The following IFT46 variants were observed in gnomAD, a reference collection of about 807,000 sequenced individuals.
The protein encoded by IFT46 is intraflagellar transport protein 46 homolog.
Under a neutral mutation model 39.6 loss-of-function variants are expected in IFT46, and 19 were observed. That is an observed-to-expected ratio of 0.48 (90% CI 0.33 to 0.70). IFT46 has a LOEUF of 0.70. Ranked by LOEUF, IFT46 falls within the 30% of genes least tolerant of loss-of-function variation. IFT46 has a pLI of 0.01. For synonymous variants in IFT46, 117 were observed against 134.8 expected (o/e 0.87, Z 0.91); for missense variants, 334 against 364.8 (o/e 0.92, Z 0.69).
upstream of IFT46, among the ~76,000 whole-genome samples, chr11:118,575,043 A>G (rs140807615): frequency 9.2e-3 from 1,406 of 152,254 alleles, 20 homozygotes; most frequent in African/African-American, 0.032. Flanking sequence ...CAGTGGCACA[A>G]TCTCAGCTCA....
intron 9 of IFT46, among the ~76,000 whole-genome samples, chr11:118,549,793 G>A (rs1591361295): frequency 1.3e-5 from 2 of 152,010 alleles, no homozygotes; most frequent in Admixed American, 6.6e-5. Context: ...AAAGTGCTGG[G>A]ATTACAGGCG....
At chr11:118,555,123 AAAG>A in intron 5 of IFT46, 40 bp from the exon 6 acceptor site, 1 of 1,561,834 alleles carries the variant, frequency 6.4e-7, no homozygotes, top group East Asian at 2.2e-5. Flanking sequence ...ACAGTCAGAA[AAAG>A]TTACTTTACT....
At chr11:118,550,888 A>G (rs1055906903) in intron 9 of IFT46, among the ~76,000 whole-genome samples, 1 of 151,768 alleles carries the variant, frequency 6.6e-6, no homozygotes, top group Non-Finnish European at 1.5e-5. Context: ...TTAGCCAGGC[A>G]CAGTGGCAGA....
At chr11:118,565,189 AC>A (rs1213137682) in intron 1 of IFT46, 128 bp from the exon 2 acceptor site, 1 of 151,926 alleles carries the variant, frequency 6.6e-6, no homozygotes. Flanking sequence ...CAAAACCATC[AC>A]CCCATCCAAA....
At chr11:118,576,579 A>C (rs1938518839), upstream of IFT46, among the ~76,000 whole-genome samples, 3 of 152,112 alleles carry the variant, frequency 2.0e-5, no homozygotes, top group African/African-American at 7.2e-5. Flanking sequence ...AGTAAACATT[A>C]ATGTAAAGAG....
In IFT46 at chr11:118,565,831, C is replaced by T. The variant is rs1591373716; in HGVS notation, c.-174G>A. On this transcript the variant is annotated 5_prime_UTR_variant, in exon 1 of 12. Transcript: ENST00000264021. The stretch of plus-strand genomic sequence containing the variant: ...TCCGTCTCCTCTATAATGGAAAGAA[C>T]CCCAGCCTAGGGCTGGGGTCTCACT... 1 of 152,632 alleles carries T rather than the reference C, an allele frequency of 6.6e-6. No individual in the cohort carries two copies. Among genetic ancestry groups the T allele is most frequent in the Non-Finnish European group, 1.5e-5 (1 of 68,066 alleles). The allele number at this position is 152,632 out of a possible 1,614,324, so 9.5% of individuals were successfully genotyped here. A position where few individuals can be genotyped will look rare whatever the true frequency, so the allele number is the denominator to read the frequency against.
rs1409464347 is a variant in IFT46, at chr11:118,565,823, G to A, written c.-166C>T. 6.6e-6 allele frequency: 1 copy of A among 152,646 alleles called. No homozygotes were observed. The highest frequency in any genetic ancestry group is 2.4e-5 in the African/African-American group (1 of 41,438). 9.5% of individuals were successfully genotyped at this position (152,646 alleles called of 1,614,324 possible). A position where few individuals can be genotyped will look rare whatever the true frequency, so the allele number is the denominator to read the frequency against. On this transcript the variant is annotated 5_prime_UTR_variant, in exon 1 of 12. Transcript: ENST00000264021. ...CTTCTGAATCCGTCTCCTCTATAAT[G>A]GAAAGAACCCCAGCCTAGGGCTGGG... is the stretch of plus-strand genomic sequence containing the variant.
At chr11:118,545,087 T>A in intron 11 of IFT46, 76 bp from the exon 12 acceptor site, 1 of 1,111,126 alleles carries the variant, frequency 9.0e-7, no homozygotes, top group Non-Finnish European at 1.3e-6. Flanking sequence ...ATTAATTTCT[T>A]TAAAATGAAC....
chr11:118,556,920 T>A lies in IFT46; in HGVS notation c.171A>T (p.Gly57=). The change falls in exon 4 of 12, where the codon GGA becomes GGT. Residue 57 remains glycine, a synonymous_variant. Coordinates refer to ENST00000264021, the MANE Select transcript of IFT46 (RefSeq NM_001168618.2). ...SDSDDDDEEH[G]APLEGAYDPA... ...TCTTTCCTCACCCTTCCAGAGGGGC[T>A]CCATGCTCTTCATCATCATCATCAG... 6.2e-7 allele frequency: 1 copy of A among 1,606,974 alleles called. No individual in the cohort carries two copies.
upstream of IFT46, among the ~76,000 whole-genome samples, chr11:118,573,317 C>T (rs1222224092): frequency 1.3e-5 from 2 of 152,132 alleles, no homozygotes; most frequent in African/African-American, 4.8e-5. Flanking sequence ...TCAGATGTCT[C>T]ACAGGAGGTG....
intron 3 of IFT46, chr11:118,557,734 C>T (rs782498312): frequency 1.2e-6 from 2 of 1,613,938 alleles, no homozygotes; most frequent in East Asian, 2.2e-5. Context: ...ACATTATAAC[C>T]TACCTTTCTG....
intron 8 of IFT46, 98 bp downstream of exon 8, chr11:118,552,116 A>G (rs1364953009): frequency 6.9e-7 from 1 of 1,445,830 alleles, no homozygotes; most frequent in Admixed American, 1.9e-5. Flanking sequence ...GGTTGATCAA[A>G]TATGTTCCCA....
At chr11:118,558,931 A>G (rs1382720253) in intron 3 of IFT46, among the ~76,000 whole-genome samples, 6 of 147,522 alleles carry the variant, frequency 4.1e-5, no homozygotes, top group African/African-American at 1.2e-4. Flanking sequence ...AAAACAAACA[A>G]AAAAAACAGG....
intron 9 of IFT46, among the ~76,000 whole-genome samples, chr11:118,547,807 C>T (rs1421401647): frequency 9.3e-5 from 13 of 140,152 alleles, no homozygotes; most frequent in Non-Finnish European, 2.0e-4. Flanking sequence ...AGTGTAGTGG[C>T]GCTATCTTGG....
upstream of IFT46, among the ~76,000 whole-genome samples, chr11:118,566,952 G>T (rs1365168718): frequency 6.6e-6 from 1 of 152,070 alleles, no homozygotes; most frequent in African/African-American, 2.4e-5. Flanking sequence ...AATATTGGAG[G>T]CCAGGTGCGG....
Position 118,548,364 on chromosome 11 carries a change from C to T in IFT46, c.673-2511G>A, listed in dbSNP as rs2509831. ...TTAAACTGTCACATTTTCTCCATTACGACTTTTTTTTTTTTTTTTTGGACA... is the reference window on the plus strand; with the variant it reads ...TTAAACTGTCACATTTTCTCCATTATGACTTTTTTTTTTTTTTTTTGGACA... On this transcript the variant is annotated intron_variant, in intron 9 of 11. Coordinates refer to ENST00000264021, the MANE Select transcript of IFT46 (RefSeq NM_001168618.2). 6.2e-5 allele frequency among the ~76,000 whole-genome samples: 9 copies of T among 145,630 alleles called. No individual in the cohort carries two copies. In the South Asian group the frequency reaches 1.8e-3, roughly 29 times the overall value.
upstream of IFT46, among the ~76,000 whole-genome samples, chr11:118,574,833 C>G (rs1201429494): frequency 6.6e-6 from 1 of 152,038 alleles, no homozygotes; most frequent in Non-Finnish European, 1.5e-5. Context: ...CAGGCGCTAT[C>G]ATAGTGCACT....
At position 118,545,442 on chromosome 11, in the gene IFT46, G is replaced by A. The variant is rs368384943; in HGVS notation, c.786C>T (p.Leu262=). The A allele has an allele frequency of 5.6e-6, 9 of 1,613,586 alleles. No homozygotes were observed. Among genetic ancestry groups the A allele is most frequent in the Non-Finnish European group, 6.8e-6 (8 of 1,179,632 alleles). ...TCTTGAATTCTGAGTAGAGGGAAAA[G>A]AGCAGATGGAGGGACTGGATCCGAC... is the stretch of plus-strand genomic sequence containing the variant. ...YKSRIQSLHL[L]FSLYSEFKNS... Residue 262 remains leucine (L), a synonymous_variant, in exon 11 of 12, where the codon CTC becomes CTT. Coordinates refer to ENST00000264021, the MANE Select transcript of IFT46 (RefSeq NM_001168618.2).
At chr11:118,551,670 CAA>C (rs537215530) in intron 9 of IFT46, 114 bp downstream of exon 9, 28,505 of 435,386 alleles carry the variant, frequency 0.065, no homozygotes, top group Middle Eastern at 0.074. Flanking sequence ...GACCCTGTCT[CAA>C]AAAAAAAAAA....
Sources: allele counts gnomAD v4.1 joint callset (sites outside exome capture counted in the v4.1 genomes callset), GRCh38; gene constraint gnomAD v4.1.1; transcripts MANE v1.5; gene names NCBI Gene and HGNC (gene_info 2026-07-23, HGNC 2026-07-21).